The following VIPR1 variants were observed in gnomAD, a reference collection of about 807,000 sequenced individuals.
VIPR1 encodes vasoactive intestinal peptide receptor 1, also known as vasoactive intestinal polypeptide receptor 1.
A neutral mutation model predicts 58.8 loss-of-function variants in VIPR1; 59 were observed. The ratio of observed to expected loss-of-function variants is 1.00; its 90% CI spans 0.81 to 1.25. The LOEUF (loss-of-function observed/expected upper bound fraction) is 1.25, where lower values mean the gene tolerates loss of function less well. VIPR1 is among the 50% of genes most tolerant of loss of function. VIPR1 has a pLI of 0.00. For missense variants in VIPR1, 626 were observed against 602.7 expected (o/e 1.04, Z -0.40); for synonymous variants, 251 against 242.1 (o/e 1.04, Z -0.34).
intron 6 of VIPR1, 55 bp downstream of exon 6, chr3:42,528,178 C>T: frequency 6.3e-7 from 1 of 1,583,188 alleles, no homozygotes; most frequent in Non-Finnish European, 8.6e-7. Context: ...TCTTTAACCA[C>T]TGTAATCTCC....
chr3:42,517,497 T>C (rs1700692270), intron 2 of VIPR1, among the ~76,000 whole-genome samples: 1 of 152,192 alleles, frequency 6.6e-6, no homozygotes, highest in Admixed American at 6.5e-5. Flanking sequence ...TGATGGCATT[T>C]GCATGTGCCT....
chr3:42,519,082 G>A, intron 2 of VIPR1, 141 bp from the exon 3 acceptor site: 1 of 611,128 alleles, frequency 1.6e-6, no homozygotes, highest in Admixed American at 4.1e-5. Flanking sequence ...GCAGGGCTGT[G>A]CCTCCCCTCT....
At chr3:42,515,629 G>A (rs1700585732) in intron 2 of VIPR1, among the ~76,000 whole-genome samples, 1 of 152,236 alleles carries the variant, frequency 6.6e-6, no homozygotes, top group African/African-American at 2.4e-5. Flanking sequence ...GCAGAGAAGG[G>A]CCAGCATAGG....
chr3:42,535,574 C>T (rs2125682186), intron 12 of VIPR1, among the ~76,000 whole-genome samples, 190 bp downstream of exon 12: 1 of 152,358 alleles, frequency 6.6e-6, no homozygotes, highest in East Asian at 1.9e-4. Flanking sequence ...CACCCCAGAC[C>T]TGCTGGCTTA....
At chr3:42,531,335 C>G (rs1319978967) in intron 7 of VIPR1, 136 bp from the exon 8 acceptor site, 1 of 915,806 alleles carries the variant, frequency 1.1e-6, no homozygotes, top group Admixed American at 2.1e-5. Flanking sequence ...CCTATGCAAC[C>G]AAAGACAGCA....
At chr3:42,521,995 C>G (rs1015617063) in intron 3 of VIPR1, among the ~76,000 whole-genome samples, 1 of 149,818 alleles carries the variant, frequency 6.7e-6, no homozygotes, top group Admixed American at 6.7e-5. Context: ...ATCCTCCCAC[C>G]TCAGCCTCCC....
At chr3:42,490,742 G>A (rs1699651542) in intron 1 of VIPR1, among the ~76,000 whole-genome samples, 1 of 152,138 alleles carries the variant, frequency 6.6e-6, no homozygotes, top group Non-Finnish European at 1.5e-5. Flanking sequence ...GGAGCAGTTT[G>A]CAGTATTAAG....
At chr3:42,489,744 G>A (rs2125621524) in intron 1 of VIPR1, 1 of 152,520 alleles carries the variant, frequency 6.6e-6, no homozygotes, top group East Asian at 1.9e-4. Flanking sequence ...GCTTCCCCAT[G>A]CATTGGCACT....
At position 42,502,678 on chromosome 3, in the gene VIPR1, CGCCGCCCGCCAGCTCTTTGCCCGCGCGGG is replaced by C; in HGVS notation, c.-47_-19del. 4 of 1,226,256 alleles carry C rather than the reference CGCCGCCCGCCAGCTCTTTGCCCGCGCGGG, an allele frequency of 3.3e-6. No individual in the cohort carries two copies. The South Asian group carries it at 9.1e-5, about 28-fold the overall frequency. 76.0% of individuals were successfully genotyped at this position (1,226,256 alleles called of 1,614,324 possible). A position where few individuals can be genotyped will look rare whatever the true frequency, so the allele number is the denominator to read the frequency against. Reference sequence around the variant, plus strand: ...GCTCCCGGCCATCGCCCGCCTGGTGCGCCGCCCGCCAGCTCTTTGCCCGCGCGGGGCCGCCCGCCGCGGGCTCAGGGCAG... The same window carrying C: ...GCTCCCGGCCATCGCCCGCCTGGTGCGCCGCCCGCCGCGGGCTCAGGGCAG... On this transcript the variant is annotated 5_prime_UTR_variant, in exon 1 of 13. Transcript: ENST00000325123.
Position 42,532,219 on chromosome 3 carries a change from G to A in VIPR1, c.919-23G>A, listed in dbSNP as rs376168114. On this transcript the variant is annotated intron_variant, in intron 9 of 12. Coordinates refer to ENST00000325123, the MANE Select transcript of VIPR1 (RefSeq NM_004624.4). ...CTCAGCCTTCCCGCTCTGACTGCCC[G>A]AACTCGGGTCCCCACCCACTAGGTA... 39 of 1,613,304 alleles carry A rather than the reference G, an allele frequency of 2.4e-5. 1 individual carries two copies. Among genetic ancestry groups the A allele is most frequent in the African/African-American group, 1.5e-4 (11 of 74,986 alleles).
Position 42,531,869 on chromosome 3 carries a change from G to C in VIPR1, c.918G>C (p.Leu306Phe). The change falls in exon 9 of 13, where the codon TTG becomes TTC. Residue 306 changes from leucine to phenylalanine, a missense_variant and splice_region_variant. Physicochemically the swap from Leu to Phe is conservative, Grantham distance 22. Coordinates refer to ENST00000325123, the MANE Select transcript of VIPR1 (RefSeq NM_004624.4). ...IIKGPILTSI[L>F]VNFILFICII... ...AGGGCCCCATCCTCACCTCCATCTT[G>C]GTAAGATACCCTCCCACCACCTAGA... 1 of 1,614,056 alleles carries C rather than the reference G, an allele frequency of 6.2e-7. No individual in the cohort carries two copies. Among genetic ancestry groups the C allele is most frequent in the Non-Finnish European group, 8.5e-7 (1 of 1,179,990 alleles).
At chr3:42,496,424 A>G (rs1387473784) in intron 1 of VIPR1, among the ~76,000 whole-genome samples, 2 of 152,254 alleles carry the variant, frequency 1.3e-5, no homozygotes, top group African/African-American at 4.8e-5. Context: ...TGTATCATAC[A>G]TATCATTCTG....
chr3:42,507,738 A>G (rs1559480995), intron 1 of VIPR1, among the ~76,000 whole-genome samples: 1 of 152,152 alleles, frequency 6.6e-6, no homozygotes, highest in Non-Finnish European at 1.5e-5. Context: ...GAACCCTTAG[A>G]TGGGAACAAG....
Position 42,527,482 on chromosome 3 carries a change from C to T in VIPR1, c.489C>T (p.Ile163=), listed in dbSNP as rs756618093. 1 of 1,613,824 alleles carries T rather than the reference C, an allele frequency of 6.2e-7. No homozygotes were observed. The highest frequency in any genetic ancestry group is 8.5e-7 in the Non-Finnish European group (1 of 1,179,962). The part of the protein sequence containing the change: ...SLATLLVATA[I]LSLFRKLHCT... ...CCACCCTTCTGGTCGCCACAGCTAT[C>T]CTGAGCCTGTTCAGGTGAGGCCCAG... Residue 163 remains isoleucine (I), a synonymous_variant, in exon 5 of 13, where the codon ATC becomes ATT. Transcript: ENST00000325123.
At chr3:42,490,332 C>G (rs1699644072) in intron 1 of VIPR1, among the ~76,000 whole-genome samples, 1 of 152,250 alleles carries the variant, frequency 6.6e-6, no homozygotes, top group Non-Finnish European at 1.5e-5. Context: ...CTAATGCTGT[C>G]AGGGTCCCTA....
chr3:42,534,926 C>T (rs762197696), intron 10 of VIPR1, 49 bp from the exon 11 acceptor site: 4 of 1,606,142 alleles, frequency 2.5e-6, no homozygotes, highest in Non-Finnish European at 2.6e-6. Flanking sequence ...CTATCATATC[C>T]ACATGTGTGG....
upstream of VIPR1, among the ~76,000 whole-genome samples, chr3:42,498,703 A>G (rs1242636626): frequency 6.6e-6 from 1 of 152,052 alleles, no homozygotes; most frequent in Non-Finnish European, 1.5e-5. Flanking sequence ...CAGGTGTAGC[A>G]CCAACAGAAG....
intron 12 of VIPR1, 45 bp downstream of exon 12, chr3:42,535,429 G>A (rs1701792678): frequency 1.2e-6 from 2 of 1,601,484 alleles, no homozygotes; most frequent in East Asian, 2.2e-5. Context: ...GGAACTCCCA[G>A]GACCAGGGTC....
At chr3:42,519,127 G>A (rs1700781577) in intron 2 of VIPR1, 96 bp from the exon 3 acceptor site, 3 of 1,000,336 alleles carry the variant, frequency 3.0e-6, no homozygotes, top group African/African-American at 1.7e-5. Context: ...GAGCCTGGCA[G>A]AGGGAGGAAG....
Sources: allele counts gnomAD v4.1 joint callset (sites outside exome capture counted in the v4.1 genomes callset), GRCh38; gene constraint gnomAD v4.1.1; transcripts MANE v1.5; gene names NCBI Gene and HGNC (gene_info 2026-07-23, HGNC 2026-07-21).